The following ALCAM variants were observed in gnomAD, a reference collection of about 807,000 sequenced individuals.
ALCAM encodes the protein CD166 antigen.
In ALCAM, 30 loss-of-function variants were observed where a neutral mutation model predicts 70.9. The observed-to-expected ratio is 0.42, with a 90% confidence interval of 0.32 to 0.57. ALCAM has a LOEUF of 0.57. Ranked by LOEUF, ALCAM falls within the 20% of genes least tolerant of loss-of-function variation. The pLI is 0.11. For synonymous variants in ALCAM, 249 were observed against 242.5 expected (o/e 1.03, Z -0.25); for missense variants, 591 against 695.1 (o/e 0.85, Z 1.68).
intron 14 of ALCAM, among the ~76,000 whole-genome samples, chr3:105,571,440 G>C (rs1326251568): frequency 6.6e-6 from 1 of 152,188 alleles, no homozygotes; most frequent in East Asian, 1.9e-4. Flanking sequence ...TGGGATACAT[G>C]ATAGGGAACA....
chr3:105,575,587 A>G lies in ALCAM; in HGVS notation c.*1136A>G, dbSNP rs1468181927. The G allele has an allele frequency of 2.6e-5, 4 of 152,572 alleles. No homozygotes were observed. The highest frequency in any genetic ancestry group is 4.4e-5 in the Non-Finnish European group (3 of 68,008). The allele number at this position is 152,572 out of a possible 1,614,324, so 9.5% of individuals were successfully genotyped here. A position where few individuals can be genotyped will look rare whatever the true frequency, so the allele number is the denominator to read the frequency against. On this transcript the variant is annotated 3_prime_UTR_variant, in exon 16 of 16. Coordinates refer to ENST00000306107, the MANE Select transcript of ALCAM (RefSeq NM_001627.4). ...ATGAAAGTGTAATAATAAAATGTCTATGTATCTTTAGTTACATTCAAATTT... is the reference window on the plus strand; with the variant it reads ...ATGAAAGTGTAATAATAAAATGTCTGTGTATCTTTAGTTACATTCAAATTT...
intron 3 of ALCAM, among the ~76,000 whole-genome samples, chr3:105,529,137 C>G (rs1045769743): frequency 6.6e-6 from 1 of 152,132 alleles, no homozygotes; most frequent in Non-Finnish European, 1.5e-5. Context: ...CTTCTAACTA[C>G]TTAAGATAGC....
At chr3:105,532,970 A>G (rs1939877123) in intron 4 of ALCAM, among the ~76,000 whole-genome samples, 1 of 152,206 alleles carries the variant, frequency 6.6e-6, no homozygotes, top group South Asian at 2.1e-4. Flanking sequence ...AGTGGGGGAC[A>G]AAGTTGGAGT....
At chr3:105,449,413 G>A (rs1352480701) in intron 1 of ALCAM, among the ~76,000 whole-genome samples, 1 of 152,172 alleles carries the variant, frequency 6.6e-6, no homozygotes, top group Non-Finnish European at 1.5e-5. Context: ...ATCTATAGCA[G>A]GTGGATATTT....
At chr3:105,440,026 T>TA (rs919567540) in intron 1 of ALCAM, among the ~76,000 whole-genome samples, 27 of 152,266 alleles carry the variant, frequency 1.8e-4, no homozygotes, top group African/African-American at 6.5e-4. Flanking sequence ...AAACACTTTA[T>TA]AAAAGGAAAA....
Position 105,447,311 on chromosome 3 carries a change from G to A in ALCAM, c.74-72756G>A, listed in dbSNP as rs948642917. 3.9e-5 allele frequency among the ~76,000 whole-genome samples: 6 copies of A among 152,016 alleles called. 1 individual carries two copies. Among genetic ancestry groups the A allele is most frequent in the East Asian group, 3.9e-4 (2 of 5,194 alleles). On this transcript the variant is annotated intron_variant, in intron 1 of 15. Coordinates refer to ENST00000306107, the MANE Select transcript of ALCAM (RefSeq NM_001627.4). ...AAAAATTAGAATGTTGAGCTAAGAC[G>A]ACAAGATGAAAAAGAGTAGTACTTT...
chr3:105,516,890 A>T (rs1939395196), intron 1 of ALCAM, among the ~76,000 whole-genome samples: 1 of 152,112 alleles, frequency 6.6e-6, no homozygotes, highest in African/African-American at 2.4e-5. Flanking sequence ...TCTCTAGGCT[A>T]CAAAACCATG....
chr3:105,392,275 C>A (rs987211339), intron 1 of ALCAM, among the ~76,000 whole-genome samples: 8 of 151,694 alleles, frequency 5.3e-5, no homozygotes, highest in African/African-American at 1.9e-4. Flanking sequence ...TTCAGGGATT[C>A]CACTTCTTCC....
intron 1 of ALCAM, among the ~76,000 whole-genome samples, chr3:105,452,521 G>A (rs376639765): frequency 2.2e-4 from 33 of 152,070 alleles, no homozygotes; most frequent in East Asian, 5.8e-4. Flanking sequence ...TGTAAATAGC[G>A]CTGCAGTAAA....
intron 1 of ALCAM, among the ~76,000 whole-genome samples, chr3:105,422,173 G>A (rs547222576): frequency 7.9e-5 from 12 of 151,312 alleles, no homozygotes; most frequent in Non-Finnish European, 1.6e-4. Flanking sequence ...ACATTTTTAC[G>A]TTGCTTTCTG....
At chr3:105,521,806 G>GCTTC (rs1368231251) in intron 2 of ALCAM, among the ~76,000 whole-genome samples, 1 of 152,148 alleles carries the variant, frequency 6.6e-6, no homozygotes, top group African/African-American at 2.4e-5. Flanking sequence ...GGAAAGGAAA[G>GCTTC]GAAGGTGGTA....
chr3:105,463,760 G>C (rs996801237), intron 1 of ALCAM, among the ~76,000 whole-genome samples: 3 of 151,408 alleles, frequency 2.0e-5, no homozygotes, highest in Non-Finnish European at 4.4e-5. Context: ...AGGGTAGTGA[G>C]GCTGTGGATT....
intron 1 of ALCAM, among the ~76,000 whole-genome samples, chr3:105,438,295 T>C (rs1937095083): frequency 6.6e-6 from 1 of 152,156 alleles, no homozygotes; most frequent in South Asian, 2.1e-4. Context: ...TTTTACATAA[T>C]TCCCCCATAT....
intron 1 of ALCAM, among the ~76,000 whole-genome samples, chr3:105,472,555 G>A (rs966483827): frequency 6.6e-6 from 1 of 151,410 alleles, no homozygotes; most frequent in Non-Finnish European, 1.5e-5. Flanking sequence ...CTCTTATTCT[G>A]TCTAGAACAA....
chr3:105,372,263 T>C (rs930672322), intron 1 of ALCAM, among the ~76,000 whole-genome samples: 2 of 152,142 alleles, frequency 1.3e-5, no homozygotes, highest in Non-Finnish European at 2.9e-5. Context: ...ATAGTGTCCC[T>C]ATAGTACGTA....
intron 14 of ALCAM, among the ~76,000 whole-genome samples, chr3:105,566,911 C>T (rs1452440802): frequency 6.6e-6 from 1 of 152,092 alleles, no homozygotes; most frequent in Non-Finnish European, 1.5e-5. Context: ...CTTCGAAGAA[C>T]TTCCTTTAAT....
chr3:105,381,302 G>C (rs1341994292), intron 1 of ALCAM, among the ~76,000 whole-genome samples: 1 of 151,836 alleles, frequency 6.6e-6, no homozygotes, highest in Non-Finnish European at 1.5e-5. Context: ...TATACATAAA[G>C]AAGAGAGGCC....
intron 14 of ALCAM, among the ~76,000 whole-genome samples, chr3:105,558,526 T>G (rs1021253559): frequency 1.3e-5 from 2 of 152,122 alleles, no homozygotes; most frequent in African/African-American, 2.4e-5. Context: ...TATGCTATTG[T>G]TCAGTTAAAG....
intron 1 of ALCAM, among the ~76,000 whole-genome samples, chr3:105,517,205 G>T (rs1939406352): frequency 6.6e-6 from 1 of 152,094 alleles, no homozygotes; most frequent in Non-Finnish European, 1.5e-5. Flanking sequence ...CCTTCTGTCA[G>T]ATGAACTTGG....
Sources: gnomAD v4.1 joint callset for allele counts (sites outside exome capture counted in the v4.1 genomes callset) on GRCh38, gnomAD v4.1.1 for gene constraint, MANE v1.5 for transcripts, NCBI Gene and HGNC (gene_info 2026-07-23, HGNC 2026-07-21) for gene names.